Variants in DENND1A observed in about 807,000 individuals in gnomAD.
DENND1A encodes DENN domain-containing protein 1A.
A neutral mutation model predicts 113.7 loss-of-function variants in DENND1A; 51 were observed. That is an observed-to-expected ratio of 0.45 (90% CI 0.36 to 0.57). DENND1A has a LOEUF of 0.57. DENND1A is among the 20% of genes least tolerant of loss of function. The pLI is 0.00. For synonymous variants in DENND1A, 565 were observed against 570.8 expected, an observed-to-expected ratio of 0.99 and a Z score of 0.14; for missense variants, 1,258 against 1,395.9, an observed-to-expected ratio of 0.90 and a Z score of 1.57.
chr9:123,455,919 C>T (rs374067506), intron 15 of DENND1A, among the ~76,000 whole-genome samples: 6 of 152,324 alleles, frequency 3.9e-5, no homozygotes, highest in Non-Finnish European at 4.4e-5. Context: ...CAGCGAAATG[C>T]GTTTCTACTC....
At position 123,383,880 on chromosome 9, in the gene DENND1A, G is replaced by T; in HGVS notation, c.1794C>A (p.Asp598Glu). ...PQPYRTLRESDSAEGDEAESP... is the reference protein window; with the variant it reads ...PQPYRTLRESESAEGDEAESP... The stretch of plus-strand genomic sequence containing the variant: ...TCTCTGCCTCGTCGCCTTCCGCGCT[G>T]TCTGACTCCCTGAGTGTCCGATACG... The change falls in exon 23 of 24, where the codon GAC (aspartate) becomes GAA (glutamate). Residue 598 changes from aspartate (D) to glutamate (E), a missense_variant. By Grantham distance (45) the Asp-to-Glu change is conservative. Coordinates refer to ENST00000394215, the MANE Select transcript of DENND1A (RefSeq NM_001352964.2). 6.2e-7 allele frequency: 1 copy of T among 1,612,638 alleles called. No homozygotes were observed. Among genetic ancestry groups the T allele is most frequent in the Non-Finnish European group, 8.5e-7 (1 of 1,180,006 alleles).
Position 123,660,758 on chromosome 9 carries a change from G to T in DENND1A, c.507+6268C>A, listed in dbSNP as rs529190444. ...AAGTCAAAGTAAAAGAATTTTAAAA[G>T]GCACAAACGCCAAAAAACAGGAGAA... On this transcript the variant is annotated intron_variant, in intron 8 of 23. Transcript: ENST00000394215. Among the ~76,000 whole-genome samples the T allele has an allele frequency of 3.9e-5, 6 of 152,260 alleles. No individual in the cohort carries two copies. In the East Asian group the frequency reaches 1.2e-3, roughly 29 times the overall value.
intron 11 of DENND1A, among the ~76,000 whole-genome samples, chr9:123,584,425 GC>G (rs1204304801): frequency 6.6e-6 from 1 of 152,176 alleles, no homozygotes; most frequent in Non-Finnish European, 1.5e-5. Context: ...CAACTCACGT[GC>G]CTGCCGAGTG....
chr9:123,382,884 T>C (rs143679426), intron 23 of DENND1A, among the ~76,000 whole-genome samples: 347 of 152,306 alleles, frequency 2.3e-3, no homozygotes, highest in African/African-American at 7.3e-3. Flanking sequence ...CCAAGGAGTT[T>C]TAGGAAAGTG....
chr9:123,519,058 T>A (rs1248347971), intron 13 of DENND1A, among the ~76,000 whole-genome samples: 1 of 152,184 alleles, frequency 6.6e-6, no homozygotes, highest in East Asian at 1.9e-4. Context: ...CTAGGGGCCG[T>A]GTTGCCTCCC....
chr9:123,544,750 A>G, intron 13 of DENND1A, among the ~76,000 whole-genome samples: 1 of 152,234 alleles, frequency 6.6e-6, no homozygotes, highest in Non-Finnish European at 1.5e-5. Flanking sequence ...TCAGGTCTTA[A>G]TGATTTATTT....
At chr9:123,734,006 C>A (rs995699068) in intron 5 of DENND1A, among the ~76,000 whole-genome samples, 4 of 152,064 alleles carry the variant, frequency 2.6e-5, no homozygotes, top group Non-Finnish European at 5.9e-5. Context: ...CTCTGCTGCC[C>A]AGGCTAGAGT....
chr9:123,589,708 T>C (rs2059369398), intron 11 of DENND1A, among the ~76,000 whole-genome samples: 2 of 150,796 alleles, frequency 1.3e-5, no homozygotes, highest in South Asian at 2.1e-4. Flanking sequence ...ATGGCATTTC[T>C]TACATAGAGA....
chr9:123,747,145 G>C (rs2069584401), intron 5 of DENND1A, among the ~76,000 whole-genome samples: 1 of 151,926 alleles, frequency 6.6e-6, no homozygotes. Flanking sequence ...ATCCCAAGGA[G>C]CTTAGACAAC....
At chr9:123,858,208 A>C (rs562218293) in intron 2 of DENND1A, among the ~76,000 whole-genome samples, 11 of 152,368 alleles carry the variant, frequency 7.2e-5, no homozygotes, top group Middle Eastern at 3.4e-3. Flanking sequence ...TATCAATGTT[A>C]ATTTCCTCAC....
chr9:123,524,638 A>G (rs1357303372), intron 13 of DENND1A, among the ~76,000 whole-genome samples: 1 of 152,240 alleles, frequency 6.6e-6, no homozygotes, highest in Non-Finnish European at 1.5e-5. Context: ...GACCTCTGGT[A>G]AAGTGGCAGA....
Position 123,381,641 on chromosome 9 carries a change from C to T in DENND1A, c.3004G>A (p.Ala1002Thr). ...ARAAETKQGL[A>T]LRPGDPPLLP... ...AGCGGGGGGTCTCCAGGCCTCAGGGCCAGCCCCTGCTTGGTCTCAGCAGCC... is the reference window on the plus strand; with the variant it reads ...AGCGGGGGGTCTCCAGGCCTCAGGGTCAGCCCCTGCTTGGTCTCAGCAGCC... The change falls in exon 24 of 24, where the codon GCC (alanine) becomes ACC (threonine). Residue 1002 changes from alanine (A) to threonine (T), a missense_variant. This residue lies in a region of DENND1A where 1,159 missense variants were observed against 1,231.7 expected (regional missense o/e 0.94). Transcript: ENST00000394215. The surrounding 1 kb of genome is among the most constrained non-coding windows in gnomAD (Gnocchi z 4.7). 1 of 1,609,798 alleles carries T rather than the reference C, an allele frequency of 6.2e-7. No homozygotes were observed. Among genetic ancestry groups the T allele is most frequent in the Non-Finnish European group, 8.5e-7 (1 of 1,178,450 alleles).
At chr9:123,904,364 T>C (rs1852352194) in intron 1 of DENND1A, among the ~76,000 whole-genome samples, 1 of 151,846 alleles carries the variant, frequency 6.6e-6, no homozygotes, top group African/African-American at 2.4e-5. Flanking sequence ...CAAAGCTGGA[T>C]GGAGAATGAC....
intron 19 of DENND1A, among the ~76,000 whole-genome samples, chr9:123,436,371 A>C (rs968414141): frequency 6.6e-6 from 1 of 152,226 alleles, no homozygotes; most frequent in Non-Finnish European, 1.5e-5. Context: ...TCGAGTGGAG[A>C]AACGCGGTCT....
rs959173666 is a variant in DENND1A at position 123,421,679 on chromosome 9, A to T, written c.1489-9850T>A. ...TCATCTCTGGAATGATGTCCACCCT[A>T]ACAGGATGCAACTAGGAAATGAGAA... On this transcript the variant is annotated intron_variant, in intron 19 of 23. Transcript: ENST00000394215. Among the ~76,000 whole-genome samples, 3 of 152,258 alleles carry T rather than the reference A, an allele frequency of 2.0e-5. No individual in the cohort carries two copies. In the East Asian group the frequency reaches 5.8e-4, roughly 29 times the overall value.
At position 123,627,333 on chromosome 9, in the gene DENND1A, C is replaced by T. The variant is rs543045764; in HGVS notation, c.719+3043G>A. Among the ~76,000 whole-genome samples, 12 of 152,302 alleles carry T rather than the reference C, an allele frequency of 7.9e-5. No homozygotes were observed. In the East Asian group the frequency reaches 1.2e-3, roughly 15 times the overall value. ...TGGCCTGTCTATGGGCCTGTGTCTT[C>T]GACACCCAATTGTTTGAGTTCCTTC... On this transcript the variant is annotated intron_variant, in intron 10 of 23. Coordinates refer to ENST00000394215, the MANE Select transcript of DENND1A (RefSeq NM_001352964.2).
intron 19 of DENND1A, among the ~76,000 whole-genome samples, chr9:123,429,304 C>A (rs1479388655): frequency 6.6e-6 from 1 of 152,160 alleles, no homozygotes; most frequent in Admixed American, 6.6e-5. Flanking sequence ...GCCTGTAATC[C>A]CAGCACTTTT....
At chr9:123,818,277 T>C (rs1837844529) in intron 2 of DENND1A, among the ~76,000 whole-genome samples, 1 of 151,780 alleles carries the variant, frequency 6.6e-6, no homozygotes, top group South Asian at 2.1e-4. Flanking sequence ...GCTAATTTTT[T>C]GTATTTTTAG....
intron 2 of DENND1A, among the ~76,000 whole-genome samples, chr9:123,835,571 G>A (rs1840928232): frequency 6.6e-6 from 1 of 151,006 alleles, no homozygotes; most frequent in Non-Finnish European, 1.5e-5. Context: ...CCTTCCAGAA[G>A]TCTAGTTCAT....
Sources: allele counts gnomAD v4.1 joint callset (sites outside exome capture counted in the v4.1 genomes callset), GRCh38; gene constraint gnomAD v4.1.1; regional missense constraint gnomAD v4.1.1; non-coding constraint Gnocchi (gnomAD v3.1); transcripts MANE v1.5; gene names NCBI Gene and HGNC (gene_info 2026-07-23, HGNC 2026-07-21).